Variants in NCAM2 observed in about 807,000 individuals in gnomAD.
The protein encoded by NCAM2 is N-CAM-2.
Under a neutral mutation model 98.1 loss-of-function variants are expected in NCAM2, and 30 were observed. The observed-to-expected ratio is 0.31, with a 90% CI of 0.23 to 0.41. The LOEUF (loss-of-function observed/expected upper bound fraction) is 0.41, where lower values mean the gene tolerates loss of function less well. NCAM2 is among the 10% of genes least tolerant of loss of function. NCAM2 has a pLI of 1.00. For synonymous variants in NCAM2, 368 were observed against 342.4 expected (o/e 1.07, Z -0.83); for missense variants, 867 against 1,005.8 (o/e 0.86, Z 1.87).
chr21:21,036,856 G>C (rs900812482), intron 1 of NCAM2, among the ~76,000 whole-genome samples: 10 of 152,218 alleles, frequency 6.6e-5, no homozygotes, highest in Admixed American at 4.6e-4. Context: ...ATCTTTCCTA[G>C]TTCCAGAGAA....
chr21:21,541,712 A>G lies in NCAM2; in HGVS notation c.*3755A>G, dbSNP rs1310720905. On this transcript the variant is annotated 3_prime_UTR_variant, in exon 18 of 18. Coordinates refer to ENST00000400546, the MANE Select transcript of NCAM2 (RefSeq NM_004540.5). ...TCAAGAAGTAGAAATAATATTTTCCATTAGTTAATTTAGGAAATATTGGAA... is the reference window on the plus strand; with the variant it reads ...TCAAGAAGTAGAAATAATATTTTCCGTTAGTTAATTTAGGAAATATTGGAA... The G allele has an allele frequency of 6.6e-6, 1 of 151,786 alleles. No homozygotes were observed. The highest frequency in any genetic ancestry group is 1.5e-5 in the Non-Finnish European group (1 of 67,762). The allele number at this position is 151,786 out of a possible 1,614,324, so 9.4% of individuals were successfully genotyped here. A position where few individuals can be genotyped will look rare whatever the true frequency, so the allele number is the denominator to read the frequency against.
chr21:21,036,081 G>T (rs936760708), intron 1 of NCAM2, among the ~76,000 whole-genome samples: 1 of 152,042 alleles, frequency 6.6e-6, no homozygotes, highest in South Asian at 2.1e-4. Flanking sequence ...CCTCGATAGC[G>T]CTCCAAAGTT....
At chr21:21,435,508 G>A (rs232403) in intron 12 of NCAM2, among the ~76,000 whole-genome samples, 30 of 152,212 alleles carry the variant, frequency 2.0e-4, no homozygotes, top group East Asian at 3.9e-4. Flanking sequence ...CTTACATTGC[G>A]GGGAGTGGGA....
At chr21:21,489,461 C>G (rs1986671205) in intron 15 of NCAM2, among the ~76,000 whole-genome samples, 2 of 151,730 alleles carry the variant, frequency 1.3e-5, no homozygotes, top group African/African-American at 4.8e-5. Context: ...CTCTCTCTGT[C>G]TCTCTTATGC....
At chr21:21,008,394 T>C (rs2064148786) in intron 1 of NCAM2, among the ~76,000 whole-genome samples, 1 of 152,194 alleles carries the variant, frequency 6.6e-6, no homozygotes, top group African/African-American at 2.4e-5. Context: ...GTATATACGA[T>C]ATGTTGTGGG....
At chr21:21,247,481 G>A (rs2071321299) in intron 1 of NCAM2, among the ~76,000 whole-genome samples, 1 of 152,116 alleles carries the variant, frequency 6.6e-6, no homozygotes, top group Admixed American at 6.5e-5. Context: ...CACTAATTAT[G>A]CTTTGGGTGA....
chr21:21,277,310 A>G (rs1218040887), intron 1 of NCAM2, among the ~76,000 whole-genome samples: 2 of 152,138 alleles, frequency 1.3e-5, no homozygotes, highest in Non-Finnish European at 2.9e-5. Context: ...AGAAATTTAT[A>G]TTTAAATAAG....
chr21:21,006,161 C>T (rs1243539153), intron 1 of NCAM2, among the ~76,000 whole-genome samples: 1 of 152,072 alleles, frequency 6.6e-6, no homozygotes, highest in East Asian at 1.9e-4. Flanking sequence ...TGCATCTTAT[C>T]TTGTTACACC....
In NCAM2 at chr21:21,111,083, A is replaced by C. The variant is rs190280550; in HGVS notation, c.55+112465A>C. 2.8e-3 allele frequency among the ~76,000 whole-genome samples: 433 copies of C among 152,292 alleles called. 1 individual carries two copies. Among genetic ancestry groups the C allele is most frequent in the Non-Finnish European group, 4.5e-3 (303 of 68,010 alleles). On this transcript the variant is annotated intron_variant, in intron 1 of 17. Transcript: ENST00000400546. ...TTAATTCTTCTTAGAGTACAGTTTC[A>C]GGCAAAAAGATTATTCTCCAAACCA... is the stretch of plus-strand genomic sequence containing the variant.
At chr21:21,344,341 G>A (rs1230009972) in intron 8 of NCAM2, among the ~76,000 whole-genome samples, 2 of 152,164 alleles carry the variant, frequency 1.3e-5, no homozygotes, top group East Asian at 3.9e-4. Context: ...GGGGTCGTAG[G>A]GTCTGCCAAT....
chr21:21,257,693 CT>C (rs1401314890), intron 1 of NCAM2, among the ~76,000 whole-genome samples: 1 of 152,112 alleles, frequency 6.6e-6, no homozygotes, highest in Non-Finnish European at 1.5e-5. Context: ...AGCAATTCTC[CT>C]GCCTAAACCT....
chr21:21,495,775 T>C (rs887250223), intron 15 of NCAM2, among the ~76,000 whole-genome samples: 1 of 151,966 alleles, frequency 6.6e-6, no homozygotes, highest in African/African-American at 2.4e-5. Flanking sequence ...TTACGTCAAA[T>C]GGGAACCTGA....
chr21:21,154,548 C>G lies in NCAM2; in HGVS notation c.56-126030C>G, dbSNP rs75637638. ...TTCTTTAAAATACTGTAGCAAAGAA[C>G]AATAAAGGAAAGACACAAAACGAAA... is the stretch of plus-strand genomic sequence containing the variant. On this transcript the variant is annotated intron_variant, in intron 1 of 17. Transcript: ENST00000400546. 4.5e-3 allele frequency among the ~76,000 whole-genome samples: 688 copies of G among 151,300 alleles called. 23 individuals are homozygous for G. Among genetic ancestry groups the G allele is most frequent in the East Asian group, 7.1e-3 (36 of 5,074 alleles).
At chr21:21,349,758 A>G (rs180845453) in intron 8 of NCAM2, among the ~76,000 whole-genome samples, 38 of 152,328 alleles carry the variant, frequency 2.5e-4, no homozygotes, top group Admixed American at 2.6e-4. Context: ...AATGAGATCC[A>G]GTCATTTGCA....
chr21:21,099,210 C>T (rs2066187548), intron 1 of NCAM2, among the ~76,000 whole-genome samples: 1 of 151,850 alleles, frequency 6.6e-6, no homozygotes, highest in South Asian at 2.1e-4. Context: ...AAAGTAGATG[C>T]TGGATCATGC....
At chr21:21,537,776 T>C (rs975168659) in intron 17 of NCAM2, 70 bp from the exon 18 acceptor site, 2 of 690,652 alleles carry the variant, frequency 2.9e-6, no homozygotes, top group Non-Finnish European at 4.8e-6. Flanking sequence ...TACAAAACAG[T>C]AACTTAAAGG....
At position 21,180,688 on chromosome 21, in the gene NCAM2, A is replaced by G. The variant is rs201173981; in HGVS notation, c.56-99890A>G. On this transcript the variant is annotated intron_variant, in intron 1 of 17. Coordinates refer to ENST00000400546, the MANE Select transcript of NCAM2 (RefSeq NM_004540.5). Reference sequence around the variant, plus strand: ...TTTTTATCTATTCAAACATTCACTAATTAGTTTTTGCCTTGTTTCACAAGA... The same window carrying G: ...TTTTTATCTATTCAAACATTCACTAGTTAGTTTTTGCCTTGTTTCACAAGA... 3.4e-5 allele frequency among the ~76,000 whole-genome samples: 5 copies of G among 145,354 alleles called. No homozygotes were observed. In the East Asian group the frequency reaches 1.4e-3, roughly 40 times the overall value.
intron 1 of NCAM2, among the ~76,000 whole-genome samples, chr21:21,058,973 A>G (rs1452307202): frequency 6.6e-6 from 1 of 152,112 alleles, no homozygotes; most frequent in Non-Finnish European, 1.5e-5. Flanking sequence ...TATGGCATTC[A>G]TAGCTGAATT....
intron 5 of NCAM2, among the ~76,000 whole-genome samples, chr21:21,299,383 A>C (rs985930477): frequency 6.6e-6 from 1 of 151,714 alleles, no homozygotes; most frequent in Non-Finnish European, 1.5e-5. Flanking sequence ...TGATGGTGAA[A>C]GTAATAAAGC....
Sources: gnomAD v4.1 joint callset for allele counts (sites outside exome capture counted in the v4.1 genomes callset) on GRCh38, gnomAD v4.1.1 for gene constraint, MANE v1.5 for transcripts, NCBI Gene and HGNC (gene_info 2026-07-23, HGNC 2026-07-21) for gene names.